Variants in NBAS observed in about 807,000 individuals in gnomAD.
NBAS encodes NBAS subunit of NRZ tethering complex, also known as NAG/BC035112 fusion.
Under a neutral mutation model 302.5 loss-of-function variants are expected in NBAS, and 219 were observed. The ratio of observed to expected loss-of-function variants is 0.72; its 90% CI spans 0.65 to 0.81. The LOEUF (loss-of-function observed/expected upper bound fraction) is 0.81. NBAS is among the 30% of genes least tolerant of loss of function. The probability of loss-of-function intolerance (pLI) is 0.00; values close to 1 mark genes in which losing one functional copy is unlikely to be tolerated. For missense variants in NBAS, 2,932 were observed against 2,841.6 expected (o/e 1.03, Z -0.72); for synonymous variants, 1,118 against 1,021.6 (o/e 1.09, Z -1.80).
At chr2:14,909,866 T>G in the NBAS span, among the ~76,000 whole-genome samples, 10 of 152,204 alleles carry the variant, frequency 6.6e-5, no homozygotes, top group African/African-American at 1.9e-4. Flanking sequence ...CCAGTTGAGC[T>G]TGCTTCCCCC....
chr2:15,187,102 T>C (rs1182397330), intron 49 of NBAS, among the ~76,000 whole-genome samples: 1 of 152,110 alleles, frequency 6.6e-6, no homozygotes, highest in Admixed American at 6.5e-5. Context: ...AGTAAGTGCA[T>C]TGAAACAGCA....
the NBAS span, among the ~76,000 whole-genome samples, chr2:15,161,462 G>A: frequency 1.3e-5 from 2 of 152,272 alleles, no homozygotes; most frequent in South Asian, 2.1e-4. Context: ...GACAAACTTG[G>A]GAAAAGAGAG....
chr2:15,111,602 T>C, the NBAS span, among the ~76,000 whole-genome samples: 2 of 152,024 alleles, frequency 1.3e-5, no homozygotes, highest in Non-Finnish European at 2.9e-5. Flanking sequence ...CATAAAGCAG[T>C]CTGCACCCTG....
intron 6 of NBAS, among the ~76,000 whole-genome samples, chr2:15,548,776 T>C (rs1453381580): frequency 1.3e-5 from 2 of 151,594 alleles, no homozygotes; most frequent in Non-Finnish European, 2.9e-5. Flanking sequence ...GGAGAGCCGA[T>C]GCTTGATCTA....
chr2:15,282,604 T>C (rs1036000647), intron 42 of NBAS, among the ~76,000 whole-genome samples: 104 of 152,226 alleles, frequency 6.8e-4, no homozygotes, highest in Non-Finnish European at 2.4e-4. Flanking sequence ...CTCACCAACA[T>C]TGAAGAAGGT....
chr2:15,158,297 C>A, the NBAS span, among the ~76,000 whole-genome samples: 1 of 152,174 alleles, frequency 6.6e-6, no homozygotes, highest in African/African-American at 2.4e-5. Flanking sequence ...AAAGTAATGA[C>A]AAGGCCACGG....
chr2:14,828,151 A>G, the NBAS span, among the ~76,000 whole-genome samples: 1 of 152,336 alleles, frequency 6.6e-6, no homozygotes, highest in Non-Finnish European at 1.5e-5. Flanking sequence ...AATTAGGTGG[A>G]CATGGCTCTC....
chr2:15,369,436 T>C (rs547837254), intron 31 of NBAS, among the ~76,000 whole-genome samples: 23 of 152,212 alleles, frequency 1.5e-4, no homozygotes, highest in Non-Finnish European at 3.2e-4. Flanking sequence ...ACTACTAATA[T>C]TTGAAGTACA....
chr2:15,203,890 T>TTGTGTGTGTGTGTG lies in NBAS; in HGVS notation c.6433-13501_6433-13488dup, dbSNP rs143962413. On this transcript the variant is annotated intron_variant, in intron 48 of 51. Transcript: ENST00000281513. Reference sequence around the variant, plus strand: ...TGTGTCTGTGTGTGTGTGTGTGTGCTTGTGTGTGTGTGTGTGTGTGTGTGT... The same window carrying TTGTGTGTGTGTGTG: ...TGTGTCTGTGTGTGTGTGTGTGTGCTTGTGTGTGTGTGTGTGTGTGTGTGTGTGTGTGTGTGTGT... Among the ~76,000 whole-genome samples, 295 of 129,520 alleles carry TTGTGTGTGTGTGTG rather than the reference T, an allele frequency of 2.3e-3. 4 individuals are homozygous for TTGTGTGTGTGTGTG. The highest frequency in any genetic ancestry group is 7.8e-3 in the South Asian group (30 of 3,846). 85.0% of individuals were successfully genotyped at this position (129,520 alleles called of 152,430 possible). A position where few individuals can be genotyped will look rare whatever the true frequency, so the allele number is the denominator to read the frequency against.
At chr2:14,837,262 T>A in the NBAS span, among the ~76,000 whole-genome samples, 44,613 of 151,788 alleles carry the variant, frequency 0.29, 7,124 homozygotes, top group East Asian at 0.4. Flanking sequence ...AGTAGATGCC[T>A]ATGCAAAATT....
At chr2:15,114,217 TA>T in the NBAS span, among the ~76,000 whole-genome samples, 1 of 152,108 alleles carries the variant, frequency 6.6e-6, no homozygotes, top group Non-Finnish European at 1.5e-5. Flanking sequence ...CTGGGTGGCT[TA>T]AACAACAGAA....
rs558846050 is a variant in NBAS at position 15,501,519 on chromosome 2, C to T, written c.954+2626G>A. Among the ~76,000 whole-genome samples, 115 of 151,672 alleles carry T rather than the reference C, an allele frequency of 7.6e-4. 1 individual carries two copies. Among genetic ancestry groups the T allele is most frequent in the African/African-American group, 2.5e-3 (105 of 41,392 alleles). On this transcript the variant is annotated intron_variant, in intron 11 of 51. Coordinates refer to ENST00000281513, the MANE Select transcript of NBAS (RefSeq NM_015909.4). ...TGTCTTGGCTATTTTATGTATATTACCTCTAATACTATACAATCTCAGTGT... is the reference window on the plus strand; with the variant it reads ...TGTCTTGGCTATTTTATGTATATTATCTCTAATACTATACAATCTCAGTGT...
At chr2:14,988,239 G>A in the NBAS span, among the ~76,000 whole-genome samples, 1 of 152,040 alleles carries the variant, frequency 6.6e-6, no homozygotes, top group African/African-American at 2.4e-5. Context: ...AATTTTGGTG[G>A]TATCACTGAG....
the NBAS span, among the ~76,000 whole-genome samples, chr2:14,838,745 T>C: frequency 6.6e-6 from 1 of 151,972 alleles, no homozygotes; most frequent in Non-Finnish European, 1.5e-5. Flanking sequence ...CAATCCTAGG[T>C]TGCCTTAGTC....
the NBAS span, among the ~76,000 whole-genome samples, chr2:15,031,050 C>T: frequency 3.3e-5 from 5 of 152,220 alleles, no homozygotes; most frequent in African/African-American, 1.2e-4. Flanking sequence ...GCCACTCCAT[C>T]ATTTGATTAC....
At chr2:15,482,417 C>G (rs1680466315) in intron 12 of NBAS, among the ~76,000 whole-genome samples, 1 of 152,192 alleles carries the variant, frequency 6.6e-6, no homozygotes, top group Admixed American at 6.5e-5. Context: ...CGCACCCAAC[C>G]AGAGCCTTCA....
chr2:14,825,451 G>A, the NBAS span, among the ~76,000 whole-genome samples: 1 of 152,164 alleles, frequency 6.6e-6, no homozygotes. Flanking sequence ...TTCACCAGAA[G>A]GGAGCTGACT....
Position 15,356,314 on chromosome 2 carries a change from A to G in NBAS, c.3920T>C (p.Leu1307Pro), listed in dbSNP as rs1177244098. Reference protein sequence around the residue: ...YKAASMHCQELMATGYPKSWD... With the variant: ...YKAASMHCQEPMATGYPKSWD... ...AGCTGTCTACTCACCTGTGGCCATC[A>G]GCTCCTGACAATGCATACTGGCTGC... Residue 1307 changes from leucine (L) to proline (P), a missense_variant, in exon 33 of 52, where the codon CTG (leucine) becomes CCG (proline). Transcript: ENST00000281513. 6.2e-7 allele frequency: 1 copy of G among 1,613,600 alleles called. No individual in the cohort carries two copies. The highest frequency in any genetic ancestry group is 1.7e-5 in the Admixed American group (1 of 60,002).
At chr2:15,436,510 A>G (rs948904391) in intron 21 of NBAS, among the ~76,000 whole-genome samples, 18 of 152,340 alleles carry the variant, frequency 1.2e-4, no homozygotes, top group African/African-American at 4.3e-4. Flanking sequence ...AGGCAGTAGG[A>G]AGAAAAAAAT....
Sources: allele counts gnomAD v4.1 joint callset (sites outside exome capture counted in the v4.1 genomes callset), GRCh38; gene constraint gnomAD v4.1.1; transcripts MANE v1.5; gene names NCBI Gene and HGNC (gene_info 2026-07-23, HGNC 2026-07-21).